RBFOX1: variants seen among roughly 807,000 people sequenced by gnomAD.
The protein encoded by RBFOX1 is RNA binding fox-1 homolog 1, also known as RNA binding protein fox-1 homolog 1.
A neutral mutation model predicts 57.7 loss-of-function variants in RBFOX1; 8 were observed. That is an observed-to-expected ratio of 0.14 (90% CI 0.08 to 0.25). The LOEUF (loss-of-function observed/expected upper bound fraction) is 0.25, where lower values mean the gene tolerates loss of function less well. RBFOX1 is among the 10% of genes least tolerant of loss of function. The probability of loss-of-function intolerance (pLI) is 1.00; values close to 1 mark genes in which losing one functional copy is unlikely to be tolerated. For synonymous variants in RBFOX1, 326 were observed against 222.4 expected (o/e 1.47, Z -4.15); for missense variants, 611 against 548.5 (o/e 1.11, Z -1.14).
At chr16:5,983,004 C>T (rs572869833) in intron 4 of RBFOX1, among the ~76,000 whole-genome samples, 2 of 152,356 alleles carry the variant, frequency 1.3e-5, no homozygotes, top group Admixed American at 1.3e-4. Flanking sequence ...GTTTCCTCCT[C>T]TGTCAGGTAA....
At chr16:5,644,488 G>T (rs1212942687) in intron 3 of RBFOX1, among the ~76,000 whole-genome samples, 1 of 152,122 alleles carries the variant, frequency 6.6e-6, no homozygotes, top group Non-Finnish European at 1.5e-5. Context: ...TGGAGGTAAA[G>T]TTCCACCTTA....
At chr16:6,882,198 C>G (rs986657491) in intron 3 of RBFOX1, among the ~76,000 whole-genome samples, 2 of 152,054 alleles carry the variant, frequency 1.3e-5, no homozygotes, top group East Asian at 1.9e-4. Context: ...CCCCTTTGGT[C>G]CAGCAACACT....
At chr16:5,548,297 G>A (rs1009440647) in intron 2 of RBFOX1, among the ~76,000 whole-genome samples, 2 of 149,884 alleles carry the variant, frequency 1.3e-5, no homozygotes, top group Admixed American at 6.7e-5. Context: ...CCTGGGTGAT[G>A]GGATCATTTG....
intron 3 of RBFOX1, among the ~76,000 whole-genome samples, chr16:5,830,147 T>C (rs79508269): frequency 0.011 from 1,601 of 152,286 alleles, 19 homozygotes; most frequent in African/African-American, 0.037. Context: ...CCTGGATACA[T>C]TGGCAGCTCA....
At chr16:5,599,048 C>G (rs946208977) in exon 3 of RBFOX1, 1 of 1,210,540 alleles carries the variant, frequency 8.3e-7, no homozygotes, top group Non-Finnish European at 1.2e-6. Context: ...TCATCAATCA[C>G]CGGGAATGGT....
chr16:7,052,027 C>G (rs2050262349), intron 3 of RBFOX1, 30 bp from the exon 4 acceptor site: 2 of 1,562,796 alleles, frequency 1.3e-6, no homozygotes, highest in African/African-American at 1.4e-5. Context: ...AGCCTTCTGA[C>G]TTTTCCCCTT....
intron 4 of RBFOX1, among the ~76,000 whole-genome samples, chr16:7,311,146 C>G (rs1291941077): frequency 6.6e-6 from 1 of 152,218 alleles, no homozygotes; most frequent in Non-Finnish European, 1.5e-5. Context: ...CATTCAACGT[C>G]TACATCCCAA....
At chr16:7,610,118 C>CCTTTTTTTTTTTTTTTT (rs71394327) in intron 10 of RBFOX1, among the ~76,000 whole-genome samples, 1 of 65,622 alleles carries the variant, frequency 1.5e-5, no homozygotes, top group Non-Finnish European at 2.5e-5. Context: ...GCCCGGCCCC[C>CCTTTTTTTTTTTTTTTT]TTTTTTTTTT....
At chr16:5,432,584 C>G (rs1225350678) in intron 1 of RBFOX1, among the ~76,000 whole-genome samples, 1 of 74,176 alleles carries the variant, frequency 1.3e-5, no homozygotes, top group African/African-American at 5.1e-5. Flanking sequence ...TGGTTTTTCA[C>G]TCTTTTTCCT....
chr16:6,013,391 C>T (rs1474402087), intron 4 of RBFOX1, among the ~76,000 whole-genome samples: 3 of 152,094 alleles, frequency 2.0e-5, no homozygotes, highest in East Asian at 3.9e-4. Context: ...TAGGCAGGCT[C>T]CCATTTGGTG....
At chr16:6,455,724 AG>A (rs1210111312) in intron 2 of RBFOX1, among the ~76,000 whole-genome samples, 29 of 152,250 alleles carry the variant, frequency 1.9e-4, no homozygotes, top group African/African-American at 6.0e-4. Flanking sequence ...GCAGGAATGG[AG>A]GGGGTCGTTG....
chr16:5,365,840 G>C, intron 1 of RBFOX1: 2 of 517,600 alleles, frequency 3.9e-6, no homozygotes, highest in Non-Finnish European at 3.8e-6. Context: ...TGAGGCCCCA[G>C]AACTGTCTTT....
chr16:6,813,245 C>G (rs906044071), intron 3 of RBFOX1, among the ~76,000 whole-genome samples: 2 of 152,142 alleles, frequency 1.3e-5, no homozygotes, highest in African/African-American at 2.4e-5. Context: ...CTCCGGTTCC[C>G]CAGATAGTAT....
chr16:6,074,978 G>A (rs932980827), intron 1 of RBFOX1, among the ~76,000 whole-genome samples: 2 of 152,132 alleles, frequency 1.3e-5, no homozygotes, highest in African/African-American at 4.8e-5. Flanking sequence ...TCTGATTGGA[G>A]TCTGGTTAAG....
At chr16:7,521,797 G>C (rs560535007) in intron 5 of RBFOX1, among the ~76,000 whole-genome samples, 1 of 152,346 alleles carries the variant, frequency 6.6e-6, no homozygotes, top group African/African-American at 2.4e-5. Flanking sequence ...AGAAAACTCA[G>C]TAGGAAGCAT....
chr16:5,669,673 C>T (rs1020666614), intron 3 of RBFOX1, among the ~76,000 whole-genome samples: 11 of 152,240 alleles, frequency 7.2e-5, no homozygotes, highest in African/African-American at 2.6e-4. Context: ...CTGCCTTGGC[C>T]ACCCAAAGTG....
intron 4 of RBFOX1, among the ~76,000 whole-genome samples, chr16:7,153,265 G>T (rs1479579502): frequency 6.6e-6 from 1 of 151,986 alleles, no homozygotes; most frequent in East Asian, 1.9e-4. Context: ...ATACCTGGAG[G>T]CATGGGTCAG....
At chr16:5,274,713 A>G (rs1019711118) in intron 1 of RBFOX1, among the ~76,000 whole-genome samples, 1 of 152,158 alleles carries the variant, frequency 6.6e-6, no homozygotes, top group African/African-American at 2.4e-5. Context: ...TGCCTAGACT[A>G]TGGCCGCAGG....
At chr16:5,433,075 G>A (rs376389763) in intron 1 of RBFOX1, among the ~76,000 whole-genome samples, 2 of 152,132 alleles carry the variant, frequency 1.3e-5, no homozygotes, top group East Asian at 1.9e-4. Context: ...GCAGGAGACC[G>A]AAGACGTTAG....
Sources: gnomAD v4.1 joint callset for allele counts (sites outside exome capture counted in the v4.1 genomes callset) on GRCh38, gnomAD v4.1.1 for gene constraint, MANE v1.5 for transcripts, NCBI Gene and HGNC (gene_info 2026-07-23, HGNC 2026-07-21) for gene names.